IMMP2L: variants seen among roughly 807,000 people sequenced by gnomAD.
IMMP2L encodes the protein mitochondrial inner membrane protease subunit 2.
Under a neutral mutation model 19.3 loss-of-function variants are expected in IMMP2L, and 18 were observed. That is an observed-to-expected ratio of 0.93 (90% confidence interval 0.64 to 1.38). The LOEUF is 1.38. IMMP2L is among the 40% of genes most tolerant of loss of function. The pLI, the probability that IMMP2L is intolerant of heterozygous loss-of-function variation, is 0.00. For missense variants in IMMP2L, 233 were observed against 218.2 expected (o/e 1.07, Z -0.43); for synonymous variants, 76 against 73.0 (o/e 1.04, Z -0.21).
chr7:111,149,389 G>A (rs541090446), intron 3 of IMMP2L, among the ~76,000 whole-genome samples: 61 of 152,242 alleles, frequency 4.0e-4, no homozygotes, highest in Admixed American at 1.4e-3. Flanking sequence ...CTTGAACAAC[G>A]TGGGGTTTAG....
At chr7:111,102,705 G>C (rs1338309573) in intron 3 of IMMP2L, among the ~76,000 whole-genome samples, 2 of 151,434 alleles carry the variant, frequency 1.3e-5, no homozygotes, top group African/African-American at 4.8e-5. Context: ...AAAATAAATA[G>C]AATAATCCAG....
At position 110,728,431 on chromosome 7, in the gene IMMP2L, A is replaced by C. The variant is rs1017352114; in HGVS notation, c.409-64710T>G. Among the ~76,000 whole-genome samples the C allele has an allele frequency of 2.0e-5, 3 of 152,098 alleles. No homozygotes were observed. On this transcript the variant is annotated intron_variant, in intron 5 of 5. Transcript: ENST00000405709. The surrounding 1 kb of genome is among the most constrained non-coding windows in gnomAD (Gnocchi z 4.6). Reference sequence around the variant, plus strand: ...CGAGAATCGCTTGAACCTGGGAGGCAGAGGTTGCAGTGAGCCATTATCACA... The same window carrying C: ...CGAGAATCGCTTGAACCTGGGAGGCCGAGGTTGCAGTGAGCCATTATCACA...
Position 111,411,331 on chromosome 7 carries a change from C to G in IMMP2L, c.239+75907G>C, listed in dbSNP as rs559170257. ...GCAAAGATGTCATTACCGATATACC[C>G]AGGACCTAGCCAAAGCCCACAACAC... is the stretch of plus-strand genomic sequence containing the variant. On this transcript the variant is annotated intron_variant, in intron 3 of 5. Transcript: ENST00000405709. The G allele has an allele frequency of 1.4e-4, 54 of 378,818 alleles. 2 individuals carry two copies. Among genetic ancestry groups the G allele is most frequent in the African/African-American group, 9.6e-4 (45 of 46,766 alleles). 23.5% of individuals were successfully genotyped at this position (378,818 alleles called of 1,614,324 possible).
chr7:110,776,643 A>G (rs1799407659), intron 5 of IMMP2L, among the ~76,000 whole-genome samples: 1 of 152,052 alleles, frequency 6.6e-6, no homozygotes, highest in Non-Finnish European at 1.5e-5. Flanking sequence ...ATACTGATAA[A>G]TGTATGGCAG....
chr7:111,292,311 A>G (rs1229606659), intron 3 of IMMP2L, among the ~76,000 whole-genome samples: 2 of 152,126 alleles, frequency 1.3e-5, no homozygotes, highest in African/African-American at 4.8e-5. Flanking sequence ...CAAATTCTAC[A>G]TAATAAAATC....
intron 3 of IMMP2L, among the ~76,000 whole-genome samples, chr7:111,017,742 A>T (rs1825854787): frequency 6.6e-6 from 1 of 152,132 alleles, no homozygotes; most frequent in African/African-American, 2.4e-5. Flanking sequence ...CTAAGGGCCC[A>T]GCCCTCATTA....
At chr7:110,835,760 CAGA>C (rs911017322) in intron 5 of IMMP2L, among the ~76,000 whole-genome samples, 1 of 150,412 alleles carries the variant, frequency 6.6e-6, no homozygotes, top group Admixed American at 6.6e-5. Context: ...TGTTAAATAA[CAGA>C]AGATTAGAAC....
intron 5 of IMMP2L, among the ~76,000 whole-genome samples, chr7:110,807,676 C>T (rs1346518651): frequency 6.6e-6 from 1 of 151,962 alleles, no homozygotes; most frequent in Non-Finnish European, 1.5e-5. Context: ...AAAATGATTA[C>T]AACTTTTTGT....
chr7:111,058,472 A>C (rs560604741), intron 3 of IMMP2L, among the ~76,000 whole-genome samples: 108 of 152,356 alleles, frequency 7.1e-4, no homozygotes, highest in South Asian at 3.5e-3. Context: ...GACACAGTCT[A>C]TTCTCATTAA....
chr7:110,730,221 GAGA>G (rs1164271300), intron 5 of IMMP2L, among the ~76,000 whole-genome samples: 1 of 152,122 alleles, frequency 6.6e-6, no homozygotes, highest in Admixed American at 6.5e-5. Context: ...AGTGGACTGG[GAGA>G]AGAAGACCCA....
chr7:110,864,816 A>G (rs185956857), intron 5 of IMMP2L, among the ~76,000 whole-genome samples: 43 of 152,148 alleles, frequency 2.8e-4, no homozygotes, highest in Non-Finnish European at 4.7e-4. Context: ...TCAAATCAGA[A>G]GTCATAATTT....
At chr7:110,909,664 A>T (rs1454031381) in intron 4 of IMMP2L, among the ~76,000 whole-genome samples, 1 of 151,282 alleles carries the variant, frequency 6.6e-6, no homozygotes, top group Non-Finnish European at 1.5e-5. Context: ...GTTAACAAAA[A>T]CTCTCTCCAC....
rs79184939 is a variant in IMMP2L at position 110,867,973 on chromosome 7, G to A, written c.408+18620C>T. Among the ~76,000 whole-genome samples the A allele has an allele frequency of 9.7e-3, 1,479 of 152,026 alleles. 24 individuals are homozygous for A. The highest frequency in any genetic ancestry group is 0.033 in the African/African-American group (1,390 of 41,502). On this transcript the variant is annotated intron_variant, in intron 5 of 5. Transcript: ENST00000405709. ...CCAGAGGTCCCCATAGGTCTTTAGG[G>A]CTCCAGATAAAAGTAATCAACATAG...
At chr7:111,384,089 A>T (rs949445318) in intron 3 of IMMP2L, among the ~76,000 whole-genome samples, 5 of 151,992 alleles carry the variant, frequency 3.3e-5, no homozygotes, top group African/African-American at 1.2e-4. Flanking sequence ...GGTTGTAATG[A>T]GCCATAACTA....
intron 3 of IMMP2L, among the ~76,000 whole-genome samples, chr7:110,990,016 T>G (rs1234155082): frequency 6.6e-6 from 1 of 152,150 alleles, no homozygotes; most frequent in Non-Finnish European, 1.5e-5. Context: ...ATCAAGAGAT[T>G]TGCTCAATAA....
intron 1 of IMMP2L, among the ~76,000 whole-genome samples, chr7:111,554,274 G>GA (rs1272093921): frequency 1.6e-4 from 24 of 152,128 alleles, no homozygotes; most frequent in African/African-American, 5.6e-4. Flanking sequence ...TCACAAGGGA[G>GA]AAAATGCTGA....
chr7:110,688,891 T>A (rs1793303203), intron 5 of IMMP2L, among the ~76,000 whole-genome samples: 1 of 149,852 alleles, frequency 6.7e-6, no homozygotes, highest in African/African-American at 2.5e-5. Flanking sequence ...TACATATGTA[T>A]ACACACACAC....
intron 3 of IMMP2L, among the ~76,000 whole-genome samples, chr7:111,406,605 T>C (rs188694188): frequency 3.7e-4 from 57 of 152,194 alleles, no homozygotes; most frequent in Non-Finnish European, 5.9e-4. Context: ...GCCTTAGATC[T>C]TTGCATTTGC....
chr7:111,196,203 A>C (rs1809483341), intron 3 of IMMP2L, among the ~76,000 whole-genome samples: 2 of 152,138 alleles, frequency 1.3e-5, no homozygotes. Context: ...ATTATTTGGG[A>C]CCTTAGGAAA....
Sources: gnomAD v4.1 joint callset for allele counts (sites outside exome capture counted in the v4.1 genomes callset) on GRCh38, gnomAD v4.1.1 for gene constraint, Gnocchi (gnomAD v3.1) non-coding constraint, MANE v1.5 for transcripts, NCBI Gene and HGNC (gene_info 2026-07-23, HGNC 2026-07-21) for gene names.